PCDH7: variants seen among roughly 807,000 people sequenced by gnomAD.
PCDH7 encodes protocadherin-7.
Under a neutral mutation model 58.9 loss-of-function variants are expected in PCDH7, and 17 were observed. The observed-to-expected ratio is 0.29, with a 90% CI of 0.20 to 0.43. PCDH7 has a LOEUF of 0.43. PCDH7 is among the 20% of genes least tolerant of loss of function. The pLI is 1.00. For missense variants in PCDH7, 1,274 were observed against 1,441.0 expected (o/e 0.88, Z 1.88); for synonymous variants, 664 against 616.4 (o/e 1.08, Z -1.14).
rs187981272 is a variant in PCDH7, at chr4:31,034,200, G to A, written c.*7+83985G>A. 6.1e-3 allele frequency among the ~76,000 whole-genome samples: 925 copies of A among 152,110 alleles called. 5 individuals are homozygous for A. Among genetic ancestry groups the A allele is most frequent in the Non-Finnish European group, 0.011 (751 of 67,984 alleles). The stretch of plus-strand genomic sequence containing the variant: ...TAGTCCTCCCTAATAGATTTCTCCT[G>A]CCTCCATCATCTTCCCTTTCATCTT... On this transcript the variant is annotated intron_variant, in intron 3 of 3. Coordinates refer to the PCDH7 transcript ENST00000509759.
intron 3 of PCDH7, among the ~76,000 whole-genome samples, chr4:31,141,117 A>G (rs560579639): frequency 6.6e-6 from 1 of 152,366 alleles, no homozygotes; most frequent in South Asian, 2.1e-4. Flanking sequence ...TAAAACGTCT[A>G]AAATATCCTA....
intron 3 of PCDH7, chr4:30,950,263 T>A (rs1284628630): frequency 6.6e-6 from 1 of 152,624 alleles, no homozygotes; most frequent in African/African-American, 2.4e-5. Context: ...TTCTGCATTC[T>A]CCATTAATAG....
chr4:30,911,484 A>C (rs1741762388), intron 1 of PCDH7, among the ~76,000 whole-genome samples: 1 of 152,172 alleles, frequency 6.6e-6, no homozygotes, highest in Non-Finnish European at 1.5e-5. Flanking sequence ...TTACAGAAAA[A>C]GTTTGCCAGA....
intron 3 of PCDH7, among the ~76,000 whole-genome samples, chr4:31,072,156 G>C (rs1418551495): frequency 1.3e-5 from 2 of 152,024 alleles, no homozygotes; most frequent in Non-Finnish European, 2.9e-5. Context: ...AAATAAAAAT[G>C]ACCAATTCAA....
At chr4:30,895,870 T>G (rs890475177) in intron 1 of PCDH7, among the ~76,000 whole-genome samples, 3 of 152,208 alleles carry the variant, frequency 2.0e-5, no homozygotes, top group African/African-American at 7.2e-5. Context: ...CAGGAGGGAA[T>G]GTGAGAAATG....
At chr4:31,051,856 T>C (rs1364885979) in intron 3 of PCDH7, among the ~76,000 whole-genome samples, 1 of 151,832 alleles carries the variant, frequency 6.6e-6, no homozygotes, top group African/African-American at 2.4e-5. Context: ...GGGGAATTGT[T>C]CATGATATTT....
At chr4:30,733,484 T>C (rs532381327), downstream of PCDH7, among the ~76,000 whole-genome samples, 2 of 152,324 alleles carry the variant, frequency 1.3e-5, no homozygotes, top group South Asian at 4.1e-4. Flanking sequence ...AAGAGACAAG[T>C]GTCTCATTAT....
At chr4:30,870,607 A>T (rs1203930035) in intron 1 of PCDH7, among the ~76,000 whole-genome samples, 1 of 152,138 alleles carries the variant, frequency 6.6e-6, no homozygotes, top group South Asian at 2.1e-4. Context: ...TTTAAAGACT[A>T]TCTTTGACAA....
At chr4:31,029,801 G>A (rs533778813) in intron 3 of PCDH7, among the ~76,000 whole-genome samples, 5 of 152,170 alleles carry the variant, frequency 3.3e-5, no homozygotes, top group African/African-American at 9.6e-5. Flanking sequence ...CTTAGCTCTG[G>A]GTTGGGGTTC....
chr4:31,091,412 G>T (rs1219460104), intron 3 of PCDH7, among the ~76,000 whole-genome samples: 1 of 151,848 alleles, frequency 6.6e-6, no homozygotes, highest in East Asian at 1.9e-4. Flanking sequence ...TATAAAAAAT[G>T]AGAAAATATA....
intron 1 of PCDH7, among the ~76,000 whole-genome samples, chr4:30,791,156 C>T (rs953752798): frequency 3.0e-4 from 46 of 152,176 alleles, no homozygotes; most frequent in African/African-American, 1.1e-3. Flanking sequence ...GGAGCGTTCA[C>T]AGCCTAATGG....
intron 1 of PCDH7, among the ~76,000 whole-genome samples, chr4:30,739,303 G>A (rs984773216): frequency 1.3e-5 from 2 of 151,182 alleles, no homozygotes; most frequent in Admixed American, 6.6e-5. Context: ...AAATGTAACA[G>A]CGAATAGACT....
At chr4:30,729,515 A>G (rs1307476947) in intron 1 of PCDH7, among the ~76,000 whole-genome samples, 1 of 152,026 alleles carries the variant, frequency 6.6e-6, no homozygotes, top group Non-Finnish European at 1.5e-5. Flanking sequence ...AAGAACATAT[A>G]TTCTGTTGAC....
At chr4:30,821,795 A>G (rs1560404856) in intron 1 of PCDH7, among the ~76,000 whole-genome samples, 1 of 152,160 alleles carries the variant, frequency 6.6e-6, no homozygotes, top group African/African-American at 2.4e-5. Context: ...CTTTTTATTT[A>G]AACTCAAACC....
chr4:30,866,719 T>C (rs1734927502), intron 1 of PCDH7, among the ~76,000 whole-genome samples: 1 of 151,648 alleles, frequency 6.6e-6, no homozygotes, highest in Non-Finnish European at 1.5e-5. Context: ...AAAAGTATTG[T>C]CCTTTTGATG....
At chr4:30,853,278 C>A (rs570397915) in intron 1 of PCDH7, among the ~76,000 whole-genome samples, 1 of 152,212 alleles carries the variant, frequency 6.6e-6, no homozygotes, top group Admixed American at 6.6e-5. Context: ...AATGTGCTAC[C>A]AATCTCCCAG....
chr4:30,825,038 G>T (rs1274085084), intron 1 of PCDH7, among the ~76,000 whole-genome samples: 8 of 152,096 alleles, frequency 5.3e-5, no homozygotes, highest in African/African-American at 1.9e-4. Context: ...GTGAATAGAT[G>T]TGGATGTGTT....
chr4:31,045,332 C>G (rs747276397), intron 3 of PCDH7, among the ~76,000 whole-genome samples: 3 of 151,660 alleles, frequency 2.0e-5, no homozygotes, highest in Non-Finnish European at 4.4e-5. Flanking sequence ...TCTTTGATAT[C>G]AGGTTTCAGG....
At chr4:30,940,828 A>G (rs1198501446) in intron 2 of PCDH7, among the ~76,000 whole-genome samples, 6 of 152,134 alleles carry the variant, frequency 3.9e-5, no homozygotes, top group Non-Finnish European at 8.8e-5. Context: ...GTGTGAAAAC[A>G]TGTGCACATG....
Sources: allele counts gnomAD v4.1 joint callset (sites outside exome capture counted in the v4.1 genomes callset), GRCh38; gene constraint gnomAD v4.1.1; transcripts MANE v1.5; gene names NCBI Gene and HGNC (gene_info 2026-07-23, HGNC 2026-07-21).